KCNQ1: variants seen among roughly 807,000 people sequenced by gnomAD.
KCNQ1 encodes the protein potassium voltage-gated channel subfamily KQT member 1.
KCNQ1 carries 49 observed loss-of-function variants against 72.4 expected under a neutral mutation model. The ratio of observed to expected loss-of-function variants is 0.68; its 90% CI spans 0.54 to 0.86. The LOEUF (loss-of-function observed/expected upper bound fraction) is 0.86. Among genes scored for constraint, KCNQ1 ranks in the 40% least tolerant of loss-of-function variants. The pLI is 0.00. For missense variants in KCNQ1, 790 were observed against 945.1 expected, an observed-to-expected ratio of 0.84 and a Z score of 2.15; for synonymous variants, 450 against 412.6, an observed-to-expected ratio of 1.09 and a Z score of -1.10.
intron 2 of KCNQ1, among the ~76,000 whole-genome samples, chr11:2,553,162 G>GTT (rs761903102): frequency 8.5e-5 from 9 of 105,828 alleles, no homozygotes; most frequent in East Asian, 2.6e-4. Context: ...GGTTTTTTTT[G>GTT]TTTTTTTTTT....
chr11:2,845,399 G>C (rs558984789), intron 15 of KCNQ1, among the ~76,000 whole-genome samples: 1 of 152,346 alleles, frequency 6.6e-6, no homozygotes, highest in South Asian at 2.1e-4. Context: ...CTGTGGGATG[G>C]AGTGTGGGCC....
intron 1 of KCNQ1, among the ~76,000 whole-genome samples, chr11:2,469,797 C>T (rs1243103881): frequency 6.6e-6 from 1 of 152,228 alleles, no homozygotes; most frequent in Middle Eastern, 3.4e-3. Context: ...CCTCAGCCTC[C>T]CGAGTAGCTG....
In KCNQ1 at chr11:2,593,050, A is replaced by T. The variant is rs1180521169; in HGVS notation, c.1393+4196A>T. Among the ~76,000 whole-genome samples the T allele has an allele frequency of 1.3e-5, 2 of 152,040 alleles. No individual in the cohort carries two copies. The highest frequency in any genetic ancestry group is 2.9e-5 in the Non-Finnish European group (2 of 67,998). The stretch of plus-strand genomic sequence containing the variant: ...TGTCTCCACAGCCAGGTCACCATTG[A>T]CCAGGTTGTCCAGTCCCCTCCTCAT... On this transcript the variant is annotated intron_variant, in intron 10 of 15. Coordinates refer to ENST00000155840, the MANE Select transcript of KCNQ1 (RefSeq NM_000218.3). This position sits in a 1 kb window ranked among gnomAD's most constrained non-coding sequence, Gnocchi z 6.9.
At chr11:2,635,964 T>C (rs1228368362) in intron 10 of KCNQ1, 1 of 152,240 alleles carries the variant, frequency 6.6e-6, no homozygotes, top group Non-Finnish European at 1.5e-5. Flanking sequence ...GGGAGTTCAC[T>C]CATGATTTGG....
chr11:2,620,304 C>T lies in KCNQ1; in HGVS notation c.1393+31450C>T, dbSNP rs1383713699. 2 of 207,662 alleles carry T rather than the reference C, an allele frequency of 9.6e-6. No individual in the cohort carries two copies. The highest frequency in any genetic ancestry group is 1.9e-5 in the Non-Finnish European group (2 of 107,178). The allele number at this position is 207,662 out of a possible 1,614,324, so 12.9% of individuals were successfully genotyped here. On this transcript the variant is annotated intron_variant, in intron 10 of 15. Coordinates refer to ENST00000155840, the MANE Select transcript of KCNQ1 (RefSeq NM_000218.3). The surrounding 1 kb of genome is among the most constrained non-coding windows in gnomAD (Gnocchi z 4.5). ...TGATCTCGGCTCACTGCAGCCTCCGCCTACCGGGTTCAAGTGATTCTCCTG... is the reference window on the plus strand; with the variant it reads ...TGATCTCGGCTCACTGCAGCCTCCGTCTACCGGGTTCAAGTGATTCTCCTG...
rs1489815489 is a variant in KCNQ1, at chr11:2,824,252, AG to A, written c.1795-23513del. Among the ~76,000 whole-genome samples the A allele has an allele frequency of 2.0e-5, 3 of 152,100 alleles. No homozygotes were observed. The highest frequency in any genetic ancestry group is 7.2e-5 in the African/African-American group (3 of 41,424). On this transcript the variant is annotated intron_variant, in intron 15 of 15. Coordinates refer to ENST00000155840, the MANE Select transcript of KCNQ1 (RefSeq NM_000218.3). This position sits in a 1 kb window ranked among gnomAD's most constrained non-coding sequence, Gnocchi z 5.9. ...GGCCAGAGTAGAGGGGAGGTGGGTG[AG>A]GAGGCTACGCAGAGGCCCTGGGAGG...
chr11:2,747,002 G>A (rs1846151012), intron 11 of KCNQ1, among the ~76,000 whole-genome samples: 1 of 152,228 alleles, frequency 6.6e-6, no homozygotes, highest in Non-Finnish European at 1.5e-5. Flanking sequence ...CACCGCCCCA[G>A]GCAGGCGTGG....
rs775752831 is a variant in KCNQ1 at position 2,782,919 on chromosome 11, A to G, written c.1794+4882A>G. Among the ~76,000 whole-genome samples the G allele has an allele frequency of 6.6e-6, 1 of 151,646 alleles. No homozygotes were observed. Among genetic ancestry groups the G allele is most frequent in the Non-Finnish European group, 1.5e-5 (1 of 67,914 alleles). On this transcript the variant is annotated intron_variant, in intron 15 of 15. Transcript: ENST00000155840. This position sits in a 1 kb window ranked among gnomAD's most constrained non-coding sequence, Gnocchi z 6.1. ...ATTGTGATTTTGTTTTGTTTCATTCACTTCTGTTTATTTTATTCCTTCTAT... is the reference window on the plus strand; with the variant it reads ...ATTGTGATTTTGTTTTGTTTCATTCGCTTCTGTTTATTTTATTCCTTCTAT...
At chr11:2,534,359 C>T (rs1847693222) in intron 2 of KCNQ1, among the ~76,000 whole-genome samples, 1 of 152,256 alleles carries the variant, frequency 6.6e-6, no homozygotes, top group Admixed American at 6.5e-5. Flanking sequence ...TTTCCCGCAG[C>T]ACCATTTCTG....
At chr11:2,496,254 A>T (rs1435966822) in intron 1 of KCNQ1, among the ~76,000 whole-genome samples, 1 of 151,702 alleles carries the variant, frequency 6.6e-6, no homozygotes, top group South Asian at 2.1e-4. Context: ...GGCTAACACG[A>T]TGAAACCCCA....
chr11:2,580,249 CGGCTGCCTCGGG>C (rs951830460), intron 6 of KCNQ1, among the ~76,000 whole-genome samples: 2 of 151,854 alleles, frequency 1.3e-5, no homozygotes, highest in Admixed American at 6.6e-5. Flanking sequence ...GGTTTGTCCT[CGGCTGCCTCGGG>C]AGGCAGCCGT....
rs1849900139 is a variant in KCNQ1, at chr11:2,658,887, C to G, written c.1394-3074C>G. 1 of 398,334 alleles carries G rather than the reference C, an allele frequency of 2.5e-6. No homozygotes were observed. Among genetic ancestry groups the G allele is most frequent in the South Asian group, 1.3e-4 (1 of 7,846 alleles). 24.7% of individuals were successfully genotyped at this position (398,334 alleles called of 1,614,324 possible). A position where few individuals can be genotyped will look rare whatever the true frequency, so the allele number is the denominator to read the frequency against. The stretch of plus-strand genomic sequence containing the variant: ...AGTTCATTTACTTATTTGTGTAACC[C>G]TATTGTACACGTAGTACCCTATGTG... On this transcript the variant is annotated intron_variant, in intron 10 of 15. Coordinates refer to ENST00000155840, the MANE Select transcript of KCNQ1 (RefSeq NM_000218.3). This position sits in a 1 kb window ranked among gnomAD's most constrained non-coding sequence, Gnocchi z 4.9.
chr11:2,727,964 G>A (rs1845794934), intron 11 of KCNQ1, among the ~76,000 whole-genome samples: 1 of 152,090 alleles, frequency 6.6e-6, no homozygotes, highest in Non-Finnish European at 1.5e-5. Context: ...ATCATATGTG[G>A]TGCAAAATCT....
rs548999278 is a variant in KCNQ1, at chr11:2,830,707, C to T, written c.1795-17060C>T. Among the ~76,000 whole-genome samples, 26 of 152,246 alleles carry T rather than the reference C, an allele frequency of 1.7e-4. No individual in the cohort carries two copies. Among genetic ancestry groups the T allele is most frequent in the Non-Finnish European group, 3.7e-4 (25 of 67,984 alleles). On this transcript the variant is annotated intron_variant, in intron 15 of 15. Transcript: ENST00000155840. The surrounding 1 kb of genome is among the most constrained non-coding windows in gnomAD (Gnocchi z 7.7). ...CGAGCATTGTGGGCCTTCCCAGGAA[C>T]CCCCACATCTCCGTGGCCCTCAGAC...
chr11:2,553,769 G>T (rs745868320), intron 2 of KCNQ1, among the ~76,000 whole-genome samples: 1 of 151,716 alleles, frequency 6.6e-6, no homozygotes, highest in Non-Finnish European at 1.5e-5. Flanking sequence ...AAGCTGGAGC[G>T]CAATGGCGTG....
rs1847958552 is a variant in KCNQ1, at chr11:2,549,994, G to A, written c.478-20634G>A. 6.6e-6 allele frequency among the ~76,000 whole-genome samples: 1 copy of A among 152,238 alleles called. No homozygotes were observed. The highest frequency in any genetic ancestry group is 2.4e-5 in the African/African-American group (1 of 41,468). ...CCTCCAGTAGACCCAGAGACGGGGA[G>A]GCCAGGGTGCAGGGGACTGTTTGGG... On this transcript the variant is annotated intron_variant, in intron 2 of 15. Transcript: ENST00000155840. This position sits in a 1 kb window ranked among gnomAD's most constrained non-coding sequence, Gnocchi z 6.2.
At chr11:2,596,410 A>G (rs1175379301) in intron 10 of KCNQ1, among the ~76,000 whole-genome samples, 1 of 152,212 alleles carries the variant, frequency 6.6e-6, no homozygotes, top group Non-Finnish European at 1.5e-5. Flanking sequence ...CTTTATAAAA[A>G]CTGGAAACCC....
Position 2,695,560 on chromosome 11 carries a change from G to A in KCNQ1, c.1514+33479G>A. ...CCACCCCTATGGGCCATGCTGCCCT[G>A]AGCATGCACACACACAGCCTCTCGT... On this transcript the variant is annotated intron_variant, in intron 11 of 15. Transcript: ENST00000155840. The surrounding 1 kb of genome is among the most constrained non-coding windows in gnomAD (Gnocchi z 5.2). 1 of 398,608 alleles carries A rather than the reference G, an allele frequency of 2.5e-6. No homozygotes were observed. 24.7% of individuals were successfully genotyped at this position (398,608 alleles called of 1,614,324 possible).
At chr11:2,757,964 GA>G (rs56084107) in intron 11 of KCNQ1, among the ~76,000 whole-genome samples, 140,039 of 152,234 alleles carry the variant, frequency 0.92, 64,555 homozygotes, top group East Asian at 0.99. Flanking sequence ...GAAACCTTTA[GA>G]AAAAACATAG....
Sources: gnomAD v4.1 joint callset for allele counts (sites outside exome capture counted in the v4.1 genomes callset) on GRCh38, gnomAD v4.1.1 for gene constraint, Gnocchi (gnomAD v3.1) non-coding constraint, MANE v1.5 for transcripts, NCBI Gene and HGNC (gene_info 2026-07-23, HGNC 2026-07-21) for gene names.